Variants in CNTN5 observed in about 807,000 individuals in gnomAD.
CNTN5 encodes contactin-5.
CNTN5 carries 77 observed loss-of-function variants against 129.1 expected under a neutral mutation model. The ratio of observed to expected loss-of-function variants is 0.60; its 90% confidence interval spans 0.50 to 0.72. The LOEUF is 0.72. CNTN5 is among the 30% of genes least tolerant of loss of function. The pLI is 0.00. For missense variants in CNTN5, 1,478 were observed against 1,328.8 expected, an observed-to-expected ratio of 1.11 and a Z score of -1.75; for synonymous variants, 509 against 465.6, an observed-to-expected ratio of 1.09 and a Z score of -1.20.
intron 3 of CNTN5, among the ~76,000 whole-genome samples, chr11:99,739,985 C>T (rs977820500): frequency 2.8e-4 from 43 of 151,956 alleles, no homozygotes; most frequent in African/African-American, 1.0e-3. Context: ...GTGCTATTTC[C>T]CCTACTAATT....
rs149073176 is a variant in CNTN5 at position 100,005,836 on chromosome 11, C to A, written c.980+3700C>A. ...GGTTTGAGGGACAAACAAAGAAGAT[C>A]ATAAGTACAAAATCTTGCTATTTTC... On this transcript the variant is annotated intron_variant, in intron 9 of 24. Coordinates refer to ENST00000524871, the MANE Select transcript of CNTN5 (RefSeq NM_014361.4). 1.1e-3 allele frequency among the ~76,000 whole-genome samples: 170 copies of A among 152,208 alleles called. 1 individual carries two copies. Among genetic ancestry groups the A allele is most frequent in the African/African-American group, 3.9e-3 (162 of 41,554 alleles).
chr11:100,145,260 G>A (rs1282120652), intron 13 of CNTN5, among the ~76,000 whole-genome samples: 2 of 152,140 alleles, frequency 1.3e-5, no homozygotes, highest in African/African-American at 4.8e-5. Context: ...ATTAGCTACT[G>A]TCGTTACCAT....
At chr11:100,215,853 G>T (rs1949128940) in intron 15 of CNTN5, among the ~76,000 whole-genome samples, 1 of 152,124 alleles carries the variant, frequency 6.6e-6, no homozygotes, top group Non-Finnish European at 1.5e-5. Flanking sequence ...ATGCAAATTG[G>T]TCATTAATCA....
At chr11:99,273,177 A>G (rs1863256500) in intron 1 of CNTN5, among the ~76,000 whole-genome samples, 1 of 151,798 alleles carries the variant, frequency 6.6e-6, no homozygotes, top group African/African-American at 2.4e-5. Context: ...GGAAAAAGCC[A>G]AAAACAGAAG....
chr11:99,105,484 A>G (rs928916404), intron 1 of CNTN5, among the ~76,000 whole-genome samples: 9 of 152,176 alleles, frequency 5.9e-5, no homozygotes, highest in African/African-American at 2.2e-4. Flanking sequence ...TCTTGAATTC[A>G]TAGCCAGTCC....
chr11:99,806,325 C>T (rs1946267998), intron 3 of CNTN5, among the ~76,000 whole-genome samples: 1 of 151,798 alleles, frequency 6.6e-6, no homozygotes, highest in South Asian at 2.1e-4. Context: ...TGTCCTTATC[C>T]CCTAAAAAAA....
intron 8 of CNTN5, among the ~76,000 whole-genome samples, chr11:99,995,925 G>A (rs533932142): frequency 1.1e-4 from 17 of 152,224 alleles, no homozygotes; most frequent in African/African-American, 3.9e-4. Flanking sequence ...GACTGTAGGT[G>A]TTCTCCCCTG....
At chr11:99,988,672 G>A (rs1436089417) in intron 8 of CNTN5, among the ~76,000 whole-genome samples, 1 of 152,148 alleles carries the variant, frequency 6.6e-6, no homozygotes, top group Non-Finnish European at 1.5e-5. Context: ...GACAGGAAGG[G>A]ACCGAGTCCA....
intron 3 of CNTN5, among the ~76,000 whole-genome samples, chr11:99,645,411 G>T (rs1394513607): frequency 6.6e-6 from 1 of 151,930 alleles, no homozygotes; most frequent in Non-Finnish European, 1.5e-5. Flanking sequence ...GGGTCAGATG[G>T]TATTCCTGAT....
chr11:99,982,707 C>T (rs2137366940), intron 8 of CNTN5, among the ~76,000 whole-genome samples: 1 of 152,222 alleles, frequency 6.6e-6, no homozygotes, highest in Non-Finnish European at 1.5e-5. Context: ...GTGGGGCGAT[C>T]TTGGCTCACT....
chr11:100,190,250 C>T (rs1206222205), intron 13 of CNTN5, among the ~76,000 whole-genome samples: 1 of 152,044 alleles, frequency 6.6e-6, no homozygotes, highest in Non-Finnish European at 1.5e-5. Flanking sequence ...AAGCTAGTGG[C>T]ATATTCACTA....
At chr11:99,174,430 G>T (rs183052522) in intron 1 of CNTN5, among the ~76,000 whole-genome samples, 6 of 152,258 alleles carry the variant, frequency 3.9e-5, no homozygotes, top group Admixed American at 2.0e-4. Flanking sequence ...AGCTCAACAT[G>T]GTACCCGTGA....
chr11:99,111,401 T>C (rs79998594), intron 1 of CNTN5, among the ~76,000 whole-genome samples: 4,947 of 152,146 alleles, frequency 0.033, 114 homozygotes, highest in South Asian at 0.068. Context: ...GTCCTGATTT[T>C]ACTTCTTTTT....
At chr11:99,256,323 A>G (rs563235517) in intron 1 of CNTN5, among the ~76,000 whole-genome samples, 20 of 152,146 alleles carry the variant, frequency 1.3e-4, no homozygotes, top group African/African-American at 4.1e-4. Context: ...TTACTGTACA[A>G]TTTCTTAGAG....
At chr11:99,850,313 G>A (rs1226535254) in intron 6 of CNTN5, among the ~76,000 whole-genome samples, 4 of 152,074 alleles carry the variant, frequency 2.6e-5, no homozygotes, top group Non-Finnish European at 4.4e-5. Flanking sequence ...TTTGAGACAG[G>A]ACAAAGATAA....
At chr11:99,529,476 T>C (rs1006090827) in intron 2 of CNTN5, among the ~76,000 whole-genome samples, 4 of 152,200 alleles carry the variant, frequency 2.6e-5, no homozygotes, top group African/African-American at 9.7e-5. Context: ...TTGGGATTTT[T>C]AGAACTTTTC....
At chr11:99,442,039 C>G (rs1943852777) in intron 2 of CNTN5, among the ~76,000 whole-genome samples, 1 of 152,176 alleles carries the variant, frequency 6.6e-6, no homozygotes, top group Non-Finnish European at 1.5e-5. Context: ...TTTCCCTGAT[C>G]ATCCTAAGCA....
At chr11:99,805,663 GGGA>G (rs139158475) in intron 3 of CNTN5, among the ~76,000 whole-genome samples, 2 of 152,194 alleles carry the variant, frequency 1.3e-5, no homozygotes, top group East Asian at 3.9e-4. Flanking sequence ...TAAACATTAC[GGGA>G]AAGAATGAAT....
chr11:100,053,309 A>T (rs532704129), intron 9 of CNTN5, among the ~76,000 whole-genome samples: 4 of 151,858 alleles, frequency 2.6e-5, no homozygotes, highest in African/African-American at 9.6e-5. Context: ...ATAAAAAGGC[A>T]AGCTCAGATT....
Sources: gnomAD v4.1 joint callset for allele counts (sites outside exome capture counted in the v4.1 genomes callset) on GRCh38, gnomAD v4.1.1 for gene constraint, MANE v1.5 for transcripts, NCBI Gene and HGNC (gene_info 2026-07-23, HGNC 2026-07-21) for gene names.